The following TTC7A variants were observed in gnomAD, a reference collection of about 807,000 sequenced individuals.
TTC7A encodes the protein tetratricopeptide repeat domain 7A, also known as tetratricopeptide repeat protein 7A.
A neutral mutation model predicts 103.7 loss-of-function variants in TTC7A; 110 were observed. The observed-to-expected ratio is 1.06, with a 90% CI of 0.91 to 1.24. The LOEUF is 1.24. TTC7A is among the 50% of genes most tolerant of loss of function. The probability of loss-of-function intolerance (pLI) is 0.00; values close to 1 mark genes in which losing one functional copy is unlikely to be tolerated. For synonymous variants in TTC7A, 521 were observed against 467.9 expected (o/e 1.11, Z -1.47); for missense variants, 1,340 against 1,116.3 (o/e 1.20, Z -2.86).
chr2:47,043,331 C>T (rs1265473014), intron 15 of TTC7A, among the ~76,000 whole-genome samples: 3 of 152,184 alleles, frequency 2.0e-5, no homozygotes, highest in Non-Finnish European at 4.4e-5. Context: ...GGGGGTTGTG[C>T]ACAGCCCCCA....
intron 3 of TTC7A, among the ~76,000 whole-genome samples, chr2:46,960,276 T>A (rs886148062): frequency 1.3e-5 from 2 of 152,230 alleles, no homozygotes; most frequent in Non-Finnish European, 2.9e-5. Context: ...TGCCCTGTTC[T>A]GTGGTCAGCT....
intron 19 of TTC7A, 122 bp from the exon 20 acceptor site, chr2:47,073,580 A>C: frequency 2.5e-6 from 2 of 810,566 alleles, no homozygotes; most frequent in East Asian, 5.0e-5. Context: ...CCCAAGCCAG[A>C]GACGCGGGAA....
rs187906483 is a variant in TTC7A, at chr2:46,928,093, T to C, written c.82+10816T>C. On this transcript the variant is annotated intron_variant, in intron 2 of 20. Coordinates refer to the TTC7A transcript ENST00000409245. ...TTTTTGTAGAGACGGGTTTTTGCCA[T>C]GTTGCCCAGGCTGGTCTCTAACTCC... 4.5e-3 allele frequency among the ~76,000 whole-genome samples: 685 copies of C among 151,746 alleles called. 7 individuals are homozygous for C. The highest frequency in any genetic ancestry group is 0.012 in the South Asian group (59 of 4,802).
intron 5 of TTC7A, among the ~76,000 whole-genome samples, chr2:46,991,718 C>G (rs949837182): frequency 6.6e-6 from 1 of 152,148 alleles, no homozygotes; most frequent in Non-Finnish European, 1.5e-5. Flanking sequence ...ATGCAGTCTA[C>G]AGAAGTCTGG....
chr2:47,044,306 C>T (rs1364415106), intron 15 of TTC7A, among the ~76,000 whole-genome samples: 1 of 152,186 alleles, frequency 6.6e-6, no homozygotes, highest in Non-Finnish European at 1.5e-5. Flanking sequence ...TCATTTATAG[C>T]GCTCTAATTG....
chr2:47,054,196 G>A (rs1269830238), intron 18 of TTC7A: 1 of 984,572 alleles, frequency 1.0e-6, no homozygotes. Context: ...TTGGGTGCAT[G>A]TAGCAGATCC....
chr2:47,049,921 C>A (rs373337836), intron 16 of TTC7A, 28 bp from the exon 17 acceptor site: 2 of 1,585,032 alleles, frequency 1.3e-6, no homozygotes, highest in African/African-American at 1.3e-5. Flanking sequence ...TCTACCTTAC[C>A]GGACCCTGGC....
chr2:46,947,925 G>C (rs1029468824), intron 1 of TTC7A, among the ~76,000 whole-genome samples: 2 of 152,196 alleles, frequency 1.3e-5, no homozygotes, highest in Non-Finnish European at 2.9e-5. Context: ...AGCATGGAGA[G>C]ACCCGCAGGC....
chr2:47,060,632 G>T, intron 18 of TTC7A, 137 bp from the exon 19 acceptor site: 1 of 726,426 alleles, frequency 1.4e-6, no homozygotes, highest in Non-Finnish European at 2.2e-6. Context: ...TATAGTCAGT[G>T]TGTCCCATGC....
chr2:47,031,612 T>C (rs1024653381), intron 15 of TTC7A, among the ~76,000 whole-genome samples: 2 of 152,226 alleles, frequency 1.3e-5, no homozygotes, highest in African/African-American at 4.8e-5. Context: ...AATGAAATCT[T>C]CCTTGGAAAC....
chr2:46,969,491 T>C (rs1011412345), intron 3 of TTC7A, among the ~76,000 whole-genome samples: 1 of 151,886 alleles, frequency 6.6e-6, no homozygotes, highest in African/African-American at 2.4e-5. Context: ...TGGGCGACAG[T>C]GCAACCTCCG....
At chr2:46,969,126 C>T (rs1255140937) in intron 3 of TTC7A, among the ~76,000 whole-genome samples, 1 of 151,188 alleles carries the variant, frequency 6.6e-6, no homozygotes, top group Non-Finnish European at 1.5e-5. Flanking sequence ...ATACAGTATG[C>T]ATTTTTTTTA....
At chr2:46,997,729 A>T (rs1173374109) in intron 8 of TTC7A, among the ~76,000 whole-genome samples, 3 of 152,090 alleles carry the variant, frequency 2.0e-5, no homozygotes, top group Non-Finnish European at 2.9e-5. Flanking sequence ...GACTTTGGGG[A>T]TCAGAGGGCT....
At chr2:46,991,739 G>A (rs1675654382) in intron 5 of TTC7A, among the ~76,000 whole-genome samples, 1 of 152,196 alleles carries the variant, frequency 6.6e-6, no homozygotes, top group Non-Finnish European at 1.5e-5. Context: ...GAGACACTGA[G>A]CTAAGTGAAG....
At chr2:46,917,272 A>G (rs1310742020) in exon 2 of TTC7A, 2 of 688,058 alleles carry the variant, frequency 2.9e-6, no homozygotes, top group Non-Finnish European at 5.3e-6. Flanking sequence ...TGCTGGGATT[A>G]CAGGGGTGAG....
intron 18 of TTC7A, 64 bp downstream of exon 18, chr2:47,051,944 C>T (rs1682896472): frequency 3.3e-6 from 5 of 1,538,172 alleles, no homozygotes; most frequent in Non-Finnish European, 4.4e-6. Context: ...TCTCAGAGCC[C>T]TGTCCTGGAG....
intron 2 of TTC7A, chr2:46,951,730 CA>C (rs1193180405): frequency 4.4e-6 from 2 of 451,780 alleles, no homozygotes; most frequent in Non-Finnish European, 8.9e-6. Flanking sequence ...AGAGCTATTC[CA>C]AAGTAATATA....
intron 2 of TTC7A, among the ~76,000 whole-genome samples, chr2:46,927,471 C>T (rs946532578): frequency 8.6e-5 from 13 of 151,640 alleles, no homozygotes; most frequent in African/African-American, 2.9e-4. Context: ...ATTCTCCCAC[C>T]TCAACCTCCA....
chr2:47,002,368 G>A (rs566925055), intron 8 of TTC7A, among the ~76,000 whole-genome samples: 51 of 152,284 alleles, frequency 3.3e-4, no homozygotes, highest in African/African-American at 1.2e-3. Context: ...AGGAAGAGAC[G>A]GTGAGAAGAT....
Sources: gnomAD v4.1 joint callset for allele counts (sites outside exome capture counted in the v4.1 genomes callset) on GRCh38, gnomAD v4.1.1 for gene constraint, MANE v1.5 for transcripts, NCBI Gene and HGNC (gene_info 2026-07-23, HGNC 2026-07-21) for gene names.